The following SAMD8 variants were observed in gnomAD, a reference collection of about 807,000 sequenced individuals.
SAMD8 encodes sphingomyelin synthase-related protein 1.
SAMD8 carries 20 observed loss-of-function variants against 42.0 expected under a neutral mutation model. The observed-to-expected ratio is 0.48, with a 90% CI of 0.34 to 0.69. SAMD8 has a LOEUF of 0.69. Among genes scored for constraint, SAMD8 ranks in the 30% least tolerant of loss-of-function variants. The pLI is 0.01. For missense variants in SAMD8, 328 were observed against 511.6 expected (o/e 0.64, Z 3.46); for synonymous variants, 162 against 173.0 (o/e 0.94, Z 0.50).
In SAMD8 at chr10:75,148,346, C is replaced by CTTTTT. The variant is rs60024591; in HGVS notation, c.-15-2147_-15-2143dup. Among the ~76,000 whole-genome samples the CTTTTT allele has an allele frequency of 1.7e-3, 141 of 82,560 alleles. 19 individuals carry two copies. Among genetic ancestry groups the CTTTTT allele is most frequent in the African/African-American group, 8.4e-3 (128 of 15,312 alleles). 54.2% of individuals were successfully genotyped at this position (82,560 alleles called of 152,430 possible). A position where few individuals can be genotyped will look rare whatever the true frequency, so the allele number is the denominator to read the frequency against. ...GGGAAAGAATGCAGAGCAATACCAG[C>CTTTTT]TTTTTTTTTTTTTTTTTTTTTTTTT... On this transcript the variant is annotated intron_variant, in intron 1 of 5. Coordinates refer to ENST00000542569, the MANE Select transcript of SAMD8 (RefSeq NM_001174156.2).
At chr10:75,116,364 C>G (rs1848881979) in intron 1 of SAMD8, among the ~76,000 whole-genome samples, 1 of 152,214 alleles carries the variant, frequency 6.6e-6, no homozygotes, top group Admixed American at 6.5e-5. Flanking sequence ...CCTCAGCCTC[C>G]CAAAGTGCTA....
intron 2 of SAMD8, among the ~76,000 whole-genome samples, chr10:75,153,773 T>TG (rs1319827990): frequency 7.3e-5 from 11 of 149,984 alleles, no homozygotes; most frequent in African/African-American, 2.7e-4. Flanking sequence ...AGGTTTTTTT[T>TG]TTTGTTTTGT....
chr10:75,136,965 G>C (rs959846681), intron 1 of SAMD8, among the ~76,000 whole-genome samples: 1 of 152,138 alleles, frequency 6.6e-6, no homozygotes, highest in Non-Finnish European at 1.5e-5. Flanking sequence ...AACACTTTGT[G>C]CATATTTCTA....
intron 1 of SAMD8, among the ~76,000 whole-genome samples, chr10:75,148,716 T>C (rs1840209819): frequency 6.6e-6 from 1 of 152,188 alleles, no homozygotes; most frequent in Non-Finnish European, 1.5e-5. Context: ...TAGCCAACAA[T>C]GCATTTATAA....
In SAMD8 at chr10:75,179,658, G is replaced by A. The variant is rs1841047892; in HGVS notation, c.*2966G>A. The A allele has an allele frequency of 6.6e-6, 1 of 152,076 alleles. No homozygotes were observed. Among genetic ancestry groups the A allele is most frequent in the Admixed American group, 6.6e-5 (1 of 15,258 alleles). The allele number at this position is 152,076 out of a possible 1,614,324, so 9.4% of individuals were successfully genotyped here. ...AAACATTGAGACAAATTTATTTTCAGTTTTACTTAAACATGAAACCTGTAT... is the reference window on the plus strand; with the variant it reads ...AAACATTGAGACAAATTTATTTTCAATTTTACTTAAACATGAAACCTGTAT... On this transcript the variant is annotated 3_prime_UTR_variant, in exon 6 of 6. Coordinates refer to ENST00000542569, the MANE Select transcript of SAMD8 (RefSeq NM_001174156.2).
intron 1 of SAMD8, among the ~76,000 whole-genome samples, chr10:75,132,766 A>T (rs1456590422): frequency 6.6e-6 from 1 of 151,544 alleles, no homozygotes; most frequent in Non-Finnish European, 1.5e-5. Flanking sequence ...AAGCAGGAGG[A>T]TCACTTGAGC....
chr10:75,128,738 T>G (rs144068689), intron 1 of SAMD8, among the ~76,000 whole-genome samples: 1 of 152,168 alleles, frequency 6.6e-6, no homozygotes, highest in Non-Finnish European at 1.5e-5. Context: ...GGAAGGGAAT[T>G]ATTGATTAGA....
chr10:75,178,516 G>T lies in SAMD8; in HGVS notation c.*1824G>T, dbSNP rs1036503101. The T allele has an allele frequency of 4.8e-5, 7 of 145,358 alleles. No homozygotes were observed. Among genetic ancestry groups the T allele is most frequent in the Non-Finnish European group, 9.0e-5 (6 of 66,392 alleles). 9.0% of individuals were successfully genotyped at this position (145,358 alleles called of 1,614,324 possible). ...GAACAGACTGAATTTAGCTAGGGAG[G>T]CAGTGATGTTGGCTTTTGGGAAAGG... On this transcript the variant is annotated 3_prime_UTR_variant, in exon 6 of 6. Coordinates refer to ENST00000542569, the MANE Select transcript of SAMD8 (RefSeq NM_001174156.2).
chr10:75,138,635 ACTGAGTTCTTTTGCTCTTAGG>A (rs1189243052), intron 1 of SAMD8, among the ~76,000 whole-genome samples: 1 of 152,202 alleles, frequency 6.6e-6, no homozygotes, highest in Non-Finnish European at 1.5e-5. Context: ...TAGAAAATAT[ACTGAGTTCTTTTGCTCTTAGG>A]CTGCTGAAAT....
At position 75,146,567 on chromosome 10, in the gene SAMD8, T is replaced by A. The variant is rs1330579767; in HGVS notation, c.-15-3947T>A. Reference sequence around the variant, plus strand: ...TCCCTAAGTGCTAGGATTACAGGCGTGAGCCACCGCACCTGGCTGAAACTT... The same window carrying A: ...TCCCTAAGTGCTAGGATTACAGGCGAGAGCCACCGCACCTGGCTGAAACTT... On this transcript the variant is annotated intron_variant, in intron 1 of 5. Transcript: ENST00000542569. Among the ~76,000 whole-genome samples the A allele has an allele frequency of 2.0e-5, 3 of 152,262 alleles. No individual in the cohort carries two copies. The East Asian group carries it at 5.8e-4, about 29-fold the overall frequency.
At chr10:75,162,899 G>T (rs1840590786) in intron 2 of SAMD8, among the ~76,000 whole-genome samples, 2 of 152,012 alleles carry the variant, frequency 1.3e-5, no homozygotes, top group South Asian at 2.1e-4. Context: ...ATTACAAAAA[G>T]TTGTACAAGA....
intron 1 of SAMD8, among the ~76,000 whole-genome samples, chr10:75,115,208 T>G (rs1848849211): frequency 6.6e-6 from 1 of 152,230 alleles, no homozygotes; most frequent in African/African-American, 2.4e-5. Context: ...TTGGGAATTC[T>G]TTTGGAACCA....
chr10:75,120,659 C>T (rs1848984232), intron 1 of SAMD8, among the ~76,000 whole-genome samples: 1 of 151,906 alleles, frequency 6.6e-6, no homozygotes, highest in Admixed American at 6.6e-5. Context: ...GTTATATGAG[C>T]AGTGCATATT....
At chr10:75,140,765 G>A (rs930210597) in intron 1 of SAMD8, among the ~76,000 whole-genome samples, 4 of 152,178 alleles carry the variant, frequency 2.6e-5, no homozygotes, top group African/African-American at 7.2e-5. Context: ...TTTATGAAAT[G>A]TATCAATATC....
At chr10:75,147,528 A>G (rs556572723) in intron 1 of SAMD8, among the ~76,000 whole-genome samples, 1 of 152,080 alleles carries the variant, frequency 6.6e-6, no homozygotes, top group South Asian at 2.1e-4. Flanking sequence ...GGGTTTCACC[A>G]TCTTGGCCAG....
At chr10:75,108,387 G>C, upstream of SAMD8, 1 of 1,206,202 alleles carries the variant, frequency 8.3e-7, no homozygotes, top group Non-Finnish European at 1.1e-6. Context: ...CGCACTTTCT[G>C]GTGGCTGAGC....
chr10:75,111,592 C>T (rs1034915705), upstream of SAMD8: 13 of 1,251,702 alleles, frequency 1.0e-5, no homozygotes, highest in Admixed American at 4.1e-5. Context: ...CACTCCGGCT[C>T]CCCGCCCCGG....
At chr10:75,132,195 T>C (rs1849289269) in intron 1 of SAMD8, among the ~76,000 whole-genome samples, 1 of 152,204 alleles carries the variant, frequency 6.6e-6, no homozygotes, top group Admixed American at 6.5e-5. Context: ...TGATGTTACG[T>C]TAGGTCTCAC....
At chr10:75,109,281 G>A, upstream of SAMD8, 2 of 1,176,032 alleles carry the variant, frequency 1.7e-6, no homozygotes, top group East Asian at 2.9e-5. Context: ...AGTCACAGGG[G>A]CCTCTGGAGT....
Sources: allele counts gnomAD v4.1 joint callset (sites outside exome capture counted in the v4.1 genomes callset), GRCh38; gene constraint gnomAD v4.1.1; transcripts MANE v1.5; gene names NCBI Gene and HGNC (gene_info 2026-07-23, HGNC 2026-07-21).